CD274: variants seen among roughly 807,000 people sequenced by gnomAD.
CD274 encodes CD274 molecule.
CD274 carries 8 observed loss-of-function variants against 30.1 expected under a neutral mutation model. The observed-to-expected ratio is 0.27, with a 90% CI of 0.16 to 0.48. The LOEUF (loss-of-function observed/expected upper bound fraction) is 0.48. Ranked by LOEUF, CD274 falls within the 20% of genes least tolerant of loss-of-function variation. The pLI, the probability that CD274 is intolerant of heterozygous loss-of-function variation, is 0.99. For synonymous variants in CD274, 152 were observed against 124.6 expected, an observed-to-expected ratio of 1.22 and a Z score of -1.46; for missense variants, 353 against 346.6, an observed-to-expected ratio of 1.02 and a Z score of -0.15.
rs763415855 is a variant in CD274 at position 5,468,632 on chromosome 9, T to C, written c.*770T>C. The C allele has an allele frequency of 8.6e-6, 2 of 232,914 alleles. No individual in the cohort carries two copies. The highest frequency in any genetic ancestry group is 3.6e-4 in the South Asian group (2 of 5,530). The allele number at this position is 232,914 out of a possible 1,614,324, so 14.4% of individuals were successfully genotyped here. Reference sequence around the variant, plus strand: ...AAGTGTCTGTGCAGTATCTGTTCCATTTAAATATCAGCTTTACAATTATGT... The same window carrying C: ...AAGTGTCTGTGCAGTATCTGTTCCACTTAAATATCAGCTTTACAATTATGT... On this transcript the variant is annotated 3_prime_UTR_variant, in exon 7 of 7. Transcript: ENST00000381577.
chr9:5,455,961 T>C, intron 1 of CD274, 139 bp from the exon 2 acceptor site: 1 of 603,678 alleles, frequency 1.7e-6, no homozygotes, highest in Middle Eastern at 2.7e-4. Flanking sequence ...CAATTCCCTG[T>C]TGGGTTTCCA....
chr9:5,464,660 A>T (rs568925575), intron 4 of CD274, among the ~76,000 whole-genome samples: 53 of 152,276 alleles, frequency 3.5e-4, no homozygotes, highest in Admixed American at 1.2e-3. Context: ...AAGATAAGAC[A>T]ACAAGCATTG....
At chr9:5,465,422 G>A (rs1015062344) in intron 4 of CD274, 77 bp from the exon 5 acceptor site, 6 of 810,318 alleles carry the variant, frequency 7.4e-6, no homozygotes, top group Middle Eastern at 4.6e-4. Context: ...AAACTTCAAG[G>A]ATGACCATTC....
chr9:5,458,043 A>C (rs1333587141), intron 3 of CD274, among the ~76,000 whole-genome samples: 1 of 152,250 alleles, frequency 6.6e-6, no homozygotes, highest in African/African-American at 2.4e-5. Flanking sequence ...AGGATAAGCC[A>C]TACTTACTGG....
intron 3 of CD274, among the ~76,000 whole-genome samples, chr9:5,462,222 A>T (rs1819417038): frequency 6.6e-6 from 1 of 152,200 alleles, no homozygotes. Flanking sequence ...CTGATCATTG[A>T]CTTCAAATCA....
At chr9:5,463,805 C>T (rs75767295) in intron 4 of CD274, among the ~76,000 whole-genome samples, 2,379 of 152,222 alleles carry the variant, frequency 0.016, 59 homozygotes, top group African/African-American at 0.054. Flanking sequence ...AGATTAGCAA[C>T]AGTGTATGAA....
intron 4 of CD274, among the ~76,000 whole-genome samples, chr9:5,464,131 C>T (rs1289344542): frequency 6.6e-6 from 1 of 152,120 alleles, no homozygotes; most frequent in Non-Finnish European, 1.5e-5. Flanking sequence ...GGGGAAAAAA[C>T]TTTAGAAAAT....
Position 5,467,925 on chromosome 9 carries a change from G to T in CD274, c.*63G>T. 7.1e-7 allele frequency: 1 copy of T among 1,411,472 alleles called. No homozygotes were observed. Among genetic ancestry groups the T allele is most frequent in the South Asian group, 1.2e-5 (1 of 86,844 alleles). The allele number at this position is 1,411,472 out of a possible 1,614,324, so 87.4% of individuals were successfully genotyped here. Reference sequence around the variant, plus strand: ...TCAACCTGTGGTTTAGGGGTTCATCGGGGCTGAGCGTGACAAGAGGAAGGA... The same window carrying T: ...TCAACCTGTGGTTTAGGGGTTCATCTGGGCTGAGCGTGACAAGAGGAAGGA... On this transcript the variant is annotated 3_prime_UTR_variant, in exon 7 of 7. Transcript: ENST00000381577.
chr9:5,455,432 G>T (rs1343890511), intron 1 of CD274, among the ~76,000 whole-genome samples: 14 of 152,206 alleles, frequency 9.2e-5, no homozygotes, highest in Non-Finnish European at 1.5e-5. Flanking sequence ...CTCTGGAAGA[G>T]TGGCTGTGAG....
At chr9:5,463,552 G>A (rs112963781) in intron 4 of CD274, among the ~76,000 whole-genome samples, 3,726 of 152,256 alleles carry the variant, frequency 0.024, 162 homozygotes, top group African/African-American at 0.085. Flanking sequence ...GCACATCAGA[G>A]CTGCTTCCCT....
At chr9:5,462,496 G>A (rs1006441411) in intron 3 of CD274, among the ~76,000 whole-genome samples, 2 of 152,118 alleles carry the variant, frequency 1.3e-5, no homozygotes, top group Non-Finnish European at 2.9e-5. Context: ...GAAATTTAAG[G>A]GGTACAAGAG....
At chr9:5,465,906 G>A in intron 5 of CD274, 1 of 201,518 alleles carries the variant, frequency 5.0e-6, no homozygotes. Flanking sequence ...GTCATTTTCA[G>A]TTGCATTTTA....
chr9:5,460,852 T>G (rs1041189139), intron 3 of CD274, among the ~76,000 whole-genome samples: 1 of 152,214 alleles, frequency 6.6e-6, no homozygotes, highest in Non-Finnish European at 1.5e-5. Flanking sequence ...CACATTTGTG[T>G]GTAATTATAA....
At chr9:5,457,467 T>C (rs1403008533) in intron 3 of CD274, 47 bp downstream of exon 3, 4 of 1,480,008 alleles carry the variant, frequency 2.7e-6, no homozygotes, top group Non-Finnish European at 3.7e-6. Context: ...TGAAAACATA[T>C]TCCAAGTGTT....
Position 5,468,715 on chromosome 9 carries a change from C to T in CD274, c.*853C>T, listed in dbSNP as rs1819537858. ...TGTAACCACCCTGTTGTGATAACCA[C>T]TATTATTTTACCCATCGTACAGCTG... On this transcript the variant is annotated 3_prime_UTR_variant, in exon 7 of 7. Coordinates refer to ENST00000381577, the MANE Select transcript of CD274 (RefSeq NM_014143.4). 1 of 232,954 alleles carries T rather than the reference C, an allele frequency of 4.3e-6. No homozygotes were observed. Among genetic ancestry groups the T allele is most frequent in the Non-Finnish European group, 8.5e-6 (1 of 117,928 alleles). The allele number at this position is 232,954 out of a possible 1,614,324, so 14.4% of individuals were successfully genotyped here. A position where few individuals can be genotyped will look rare whatever the true frequency, so the allele number is the denominator to read the frequency against.
intron 2 of CD274, 124 bp from the exon 3 acceptor site, chr9:5,456,955 G>A (rs1819314464): frequency 1.5e-6 from 1 of 655,336 alleles, no homozygotes; most frequent in South Asian, 1.9e-5. Context: ...TATGTGTTTA[G>A]CAAGTTCTTA....
At chr9:5,456,053 T>C in intron 1 of CD274, 47 bp from the exon 2 acceptor site, 1 of 1,046,968 alleles carries the variant, frequency 9.6e-7, no homozygotes, top group Non-Finnish European at 1.5e-6. Context: ...TATTGTATGT[T>C]TAATTATTAA....
chr9:5,457,993 A>T (rs573792706), intron 3 of CD274, among the ~76,000 whole-genome samples: 3 of 152,266 alleles, frequency 2.0e-5, no homozygotes, highest in African/African-American at 7.2e-5. Context: ...AAGACAAAAA[A>T]TAATCACATT....
At chr9:5,454,424 C>A (rs1440334104) in intron 1 of CD274, among the ~76,000 whole-genome samples, 1 of 150,594 alleles carries the variant, frequency 6.6e-6, no homozygotes, top group African/African-American at 2.4e-5. Context: ...TTTTTTTTTT[C>A]AGCAAAAGTG....
Sources: gnomAD v4.1 joint callset for allele counts (sites outside exome capture counted in the v4.1 genomes callset) on GRCh38, gnomAD v4.1.1 for gene constraint, MANE v1.5 for transcripts, NCBI Gene and HGNC (gene_info 2026-07-23, HGNC 2026-07-21) for gene names.